The following IFT88 variants were observed in gnomAD, a reference collection of about 807,000 sequenced individuals.
The protein encoded by IFT88 is intraflagellar transport 88.
A neutral mutation model predicts 119.5 loss-of-function variants in IFT88; 74 were observed. The ratio of observed to expected loss-of-function variants is 0.62; its 90% CI spans 0.51 to 0.75. IFT88 has a LOEUF of 0.75. IFT88 is among the 30% of genes least tolerant of loss of function. IFT88 has a pLI of 0.00. For synonymous variants in IFT88, 279 were observed against 316.7 expected (o/e 0.88, Z 1.26); for missense variants, 961 against 977.7 (o/e 0.98, Z 0.23).
chr13:20,653,769 A>T, intron 20 of IFT88, 107 bp from the exon 21 acceptor site: 1 of 538,384 alleles, frequency 1.9e-6, no homozygotes, highest in African/African-American at 1.9e-5. Context: ...AAAATTATCT[A>T]ACAAAAGGTC....
intron 14 of IFT88, among the ~76,000 whole-genome samples, chr13:20,620,202 T>G (rs1167794290): frequency 6.6e-6 from 1 of 152,202 alleles, no homozygotes; most frequent in African/African-American, 2.4e-5. Flanking sequence ...TCAAGATTTT[T>G]TTTTTCTTTT....
At chr13:20,626,009 TA>T (rs1354908441) in intron 15 of IFT88, among the ~76,000 whole-genome samples, 160 bp downstream of exon 15, 1 of 150,130 alleles carries the variant, frequency 6.7e-6, no homozygotes, top group Non-Finnish European at 1.5e-5. Context: ...AAAATAGTTT[TA>T]AACTTTTATT....
chr13:20,608,837 C>T (rs1439942542), intron 13 of IFT88, among the ~76,000 whole-genome samples: 3 of 152,202 alleles, frequency 2.0e-5, no homozygotes, highest in Non-Finnish European at 4.4e-5. Context: ...CTCTGCCCTG[C>T]ATGTCAGAGT....
At position 20,641,321 on chromosome 13, in the gene IFT88, T is replaced by G. The variant is rs768493302; in HGVS notation, c.1605T>G (p.Asp535Glu). ...CCTATGAGAAACTAAATCGGCTAGA[T>G]GAGGCTTTGGACTGTTTCCTGAAAC... is the stretch of plus-strand genomic sequence containing the variant. ...GLTYEKLNRL[D>E]EALDCFLKLH... Residue 535 changes from aspartate to glutamate, a missense_variant, in exon 18 of 26, where the codon GAT becomes GAG. Physicochemically the swap from Asp to Glu is conservative, Grantham distance 45. Transcript: ENST00000351808. The G allele has an allele frequency of 6.2e-7, 1 of 1,611,172 alleles. No homozygotes were observed.
chr13:20,660,976 T>C (rs189152826), intron 22 of IFT88, among the ~76,000 whole-genome samples: 18 of 152,210 alleles, frequency 1.2e-4, no homozygotes, highest in Admixed American at 1.2e-3. Context: ...AAAAATGGAG[T>C]GTTCACTAGC....
intron 13 of IFT88, among the ~76,000 whole-genome samples, chr13:20,611,308 C>G (rs1301136720): frequency 6.6e-6 from 1 of 151,148 alleles, no homozygotes; most frequent in Non-Finnish European, 1.5e-5. Context: ...TAACATCATA[C>G]TTAATGGAAA....
At chr13:20,660,441 G>C (rs1213092935) in intron 22 of IFT88, among the ~76,000 whole-genome samples, 2 of 152,194 alleles carry the variant, frequency 1.3e-5, no homozygotes, top group Non-Finnish European at 2.9e-5. Flanking sequence ...AATACAATTT[G>C]ACATATGTTT....
chr13:20,643,030 A>C (rs1441140446), intron 18 of IFT88: 1 of 153,074 alleles, frequency 6.5e-6, no homozygotes, highest in African/African-American at 2.4e-5. Flanking sequence ...AAAAAAAAAA[A>C]AAAACAACAC....
chr13:20,638,353 A>G lies in IFT88; in HGVS notation c.1408A>G (p.Ser470Gly). Residue 470 changes from serine to glycine, a missense_variant, in exon 17 of 26, where the codon AGC becomes GGC. Transcript: ENST00000351808. ...YYMGKDFAQA[S>G]SYADIAVNSD... The stretch of plus-strand genomic sequence containing the variant: ...TTAGGGAAAGGATTTTGCACAAGCC[A>G]GCAGCTATGCAGATATAGCTGTGAA... 1 of 1,384,076 alleles carries G rather than the reference A, an allele frequency of 7.2e-7. No individual in the cohort carries two copies. Among genetic ancestry groups the G allele is most frequent in the Non-Finnish European group, 9.4e-7 (1 of 1,060,990 alleles). The allele number at this position is 1,384,076 out of a possible 1,614,324, so 85.7% of individuals were successfully genotyped here. A position where few individuals can be genotyped will look rare whatever the true frequency, so the allele number is the denominator to read the frequency against.
intron 21 of IFT88, 137 bp downstream of exon 21, chr13:20,654,065 T>G: frequency 2.3e-6 from 1 of 436,708 alleles, no homozygotes; most frequent in Admixed American, 4.2e-5. Flanking sequence ...ATTCAAAGCA[T>G]TGTATGAAAA....
At chr13:20,597,438 C>T (rs1162222698) in intron 9 of IFT88, among the ~76,000 whole-genome samples, 6 of 152,026 alleles carry the variant, frequency 3.9e-5, no homozygotes, top group South Asian at 2.1e-4. Flanking sequence ...AGTGAGACCT[C>T]GTCTCTATTT....
At chr13:20,607,451 C>T (rs982842187) in intron 13 of IFT88, 12 of 667,538 alleles carry the variant, frequency 1.8e-5, no homozygotes, top group Non-Finnish European at 3.4e-5. Context: ...GTACTTGTCA[C>T]TCATCCCCAT....
rs2042637687 is a variant in IFT88 at position 20,601,826 on chromosome 13, A to G, written c.934A>G (p.Thr312Ala). Residue 312 changes from threonine to alanine, a missense_variant, in exon 12 of 26, where the codon ACT (threonine) becomes GCT (alanine). By Grantham distance (58) the Thr-to-Ala change is moderately conservative. Transcript: ENST00000351808. The stretch of plus-strand genomic sequence containing the variant: ...AAATCTGAAGGCAGGCTACAACCTA[A>G]CTATCTGTTATTTTGCTATTGGAGA... Reference protein sequence around the residue: ...APNLKAGYNLTICYFAIGDRE... With the variant: ...APNLKAGYNLAICYFAIGDRE... The G allele has an allele frequency of 6.2e-7, 1 of 1,613,376 alleles. No individual in the cohort carries two copies. The highest frequency in any genetic ancestry group is 2.2e-5 in the East Asian group (1 of 44,842).
intron 10 of IFT88, among the ~76,000 whole-genome samples, chr13:20,599,165 A>C (rs1273230418): frequency 6.6e-6 from 1 of 152,048 alleles, no homozygotes; most frequent in Admixed American, 6.5e-5. Context: ...CTAACTTTTA[A>C]ATGTCTTTAA....
intron 13 of IFT88, chr13:20,607,512 G>T (rs908960931): frequency 4.5e-5 from 31 of 689,798 alleles, no homozygotes; most frequent in Non-Finnish European, 7.6e-5. Flanking sequence ...TTTGACATGT[G>T]GGGAGGCCGC....
chr13:20,582,071 A>C (rs1239030717), intron 2 of IFT88, among the ~76,000 whole-genome samples: 1 of 151,724 alleles, frequency 6.6e-6, no homozygotes, highest in Non-Finnish European at 1.5e-5. Context: ...TGGGAAGTAG[A>C]TTGAAATAAA....
chr13:20,605,116 A>G lies in IFT88; in HGVS notation c.1112+11A>G. 8.2e-7 allele frequency: 1 copy of G among 1,224,454 alleles called. No homozygotes were observed. The highest frequency in any genetic ancestry group is 1.2e-6 in the Non-Finnish European group (1 of 845,248). The allele number at this position is 1,224,454 out of a possible 1,614,324, so 75.8% of individuals were successfully genotyped here. On this transcript the variant is annotated intron_variant, in intron 13 of 25. Coordinates refer to ENST00000351808, the MANE Select transcript of IFT88 (RefSeq NM_006531.5). ...AATGGAACGTGAAAGGTAATATTTT[A>G]AACTTAATAACGTAGTTATTAATTA... is the stretch of plus-strand genomic sequence containing the variant.
In IFT88 at chr13:20,612,867, G is replaced by A. The variant is rs550698689; in HGVS notation, c.1113-2926G>A. Among the ~76,000 whole-genome samples the A allele has an allele frequency of 8.5e-5, 13 of 152,270 alleles. 1 individual carries two copies. In the South Asian group the frequency reaches 2.1e-3, roughly 24 times the overall value. ...GAAAGGAGAGTCTTTTCAACAAATT[G>A]TGCTGGGAAAAGTGGATATTCTCTT... On this transcript the variant is annotated intron_variant, in intron 13 of 25. Coordinates refer to ENST00000351808, the MANE Select transcript of IFT88 (RefSeq NM_006531.5).
chr13:20,688,196 A>T (rs920729736), intron 24 of IFT88, among the ~76,000 whole-genome samples: 1 of 152,034 alleles, frequency 6.6e-6, no homozygotes, highest in African/African-American at 2.4e-5. Context: ...ACAACAAAAA[A>T]ATTAGCCGGG....
Sources: gnomAD v4.1 joint callset for allele counts (sites outside exome capture counted in the v4.1 genomes callset) on GRCh38, gnomAD v4.1.1 for gene constraint, MANE v1.5 for transcripts, NCBI Gene and HGNC (gene_info 2026-07-23, HGNC 2026-07-21) for gene names.